CDH2: variants seen among roughly 807,000 people sequenced by gnomAD.
CDH2 encodes the protein cadherin-2.
Under a neutral mutation model 92.0 loss-of-function variants are expected in CDH2, and 17 were observed. The ratio of observed to expected loss-of-function variants is 0.18; its 90% CI spans 0.13 to 0.28. CDH2 has a LOEUF of 0.28. CDH2 is among the 10% of genes least tolerant of loss of function. The pLI, the probability that CDH2 is intolerant of heterozygous loss-of-function variation, is 1.00. For missense variants in CDH2, 862 were observed against 1,133.1 expected (o/e 0.76, Z 3.44); for synonymous variants, 419 against 415.9 (o/e 1.01, Z -0.09).
chr18:28,142,270 G>A (rs1344375885), intron 2 of CDH2, among the ~76,000 whole-genome samples: 2 of 151,786 alleles, frequency 1.3e-5, no homozygotes, highest in African/African-American at 4.8e-5. Flanking sequence ...ATATCTCCTC[G>A]TTCTAAGTTT....
chr18:28,073,411 T>A (rs2014658325), intron 2 of CDH2, among the ~76,000 whole-genome samples: 1 of 151,992 alleles, frequency 6.6e-6, no homozygotes, highest in Non-Finnish European at 1.5e-5. Context: ...AGATAGGATC[T>A]CTTAGTTGAT....
At chr18:27,969,298 T>C (rs1366392955) in intron 14 of CDH2, among the ~76,000 whole-genome samples, 1 of 152,236 alleles carries the variant, frequency 6.6e-6, no homozygotes, top group African/African-American at 2.4e-5. Context: ...ATTTTAATCT[T>C]ACTGGTAGCC....
Position 28,126,417 on chromosome 18 carries a change from G to A in CDH2, c.172+21256C>T, listed in dbSNP as rs1328824222. Among the ~76,000 whole-genome samples the A allele has an allele frequency of 3.9e-5, 6 of 152,076 alleles. No homozygotes were observed. In the East Asian group the frequency reaches 1.2e-3, roughly 29 times the overall value. The stretch of plus-strand genomic sequence containing the variant: ...ATCATCTTCTATTTACTCATTGGGT[G>A]CTTGTGCAAACTCCCTAGCTTTTCT... On this transcript the variant is annotated intron_variant, in intron 2 of 15. Transcript: ENST00000269141.
intron 1 of CDH2, among the ~76,000 whole-genome samples, chr18:28,164,215 C>A (rs1181874860): frequency 6.6e-6 from 1 of 152,196 alleles, no homozygotes; most frequent in African/African-American, 2.4e-5. Flanking sequence ...CCTAGATACA[C>A]AGGCCCTGAC....
At chr18:28,023,481 G>A (rs1234786642) in intron 2 of CDH2, among the ~76,000 whole-genome samples, 2 of 134,546 alleles carry the variant, frequency 1.5e-5, no homozygotes, top group Non-Finnish European at 3.2e-5. Context: ...GCACCACCAT[G>A]CCCAGCTAAT....
At chr18:28,166,149 C>T (rs866573263) in intron 1 of CDH2, among the ~76,000 whole-genome samples, 22 of 59,274 alleles carry the variant, frequency 3.7e-4, no homozygotes, top group East Asian at 1.5e-3. Context: ...CAGACACACT[C>T]ATATATATAT....
chr18:27,945,322 G>GGTT (rs1909243196), intron 6 of CDH2, among the ~76,000 whole-genome samples: 3 of 62,848 alleles, frequency 4.8e-5, no homozygotes, highest in Non-Finnish European at 8.3e-5. Flanking sequence ...CAGGAAGGAA[G>GGTT]ATTTTTTTTT....
intron 2 of CDH2, among the ~76,000 whole-genome samples, chr18:28,062,453 G>A (rs1200037369): frequency 6.6e-6 from 1 of 151,994 alleles, no homozygotes; most frequent in African/African-American, 2.4e-5. Flanking sequence ...TATTTTTATA[G>A]CATACTATAG....
chr18:28,171,427 T>C (rs1435328480), intron 1 of CDH2, among the ~76,000 whole-genome samples: 2 of 152,090 alleles, frequency 1.3e-5, no homozygotes, highest in Non-Finnish European at 2.9e-5. Context: ...TTACCTTCAT[T>C]TTAAGCCTAA....
intron 2 of CDH2, among the ~76,000 whole-genome samples, chr18:28,087,435 A>G (rs1462124177): frequency 6.6e-6 from 1 of 152,190 alleles, no homozygotes; most frequent in East Asian, 1.9e-4. Flanking sequence ...GCATTTTAAA[A>G]TGCCCTCTAT....
Position 27,985,033 on chromosome 18 carries a change from T to C in CDH2, c.2176A>G (p.Ile726Val). ...VGAGLGTGAI[I>V]AILLCIIILL... is the part of the protein sequence containing the mutation. ...ATGATGATGCAGAGCAGGATGGCAA[T>C]GATGGCACCGGTGCCAAGCCCCGCA... Residue 726 changes from isoleucine to valine, a missense_variant, in exon 13 of 16, where the codon ATT becomes GTT. This residue lies in a region of CDH2 where 564 missense variants were observed against 722.2 expected (regional missense o/e 0.78). Coordinates refer to ENST00000269141, the MANE Select transcript of CDH2 (RefSeq NM_001792.5). The C allele has an allele frequency of 1.9e-6, 3 of 1,613,998 alleles. No individual in the cohort carries two copies. The highest frequency in any genetic ancestry group is 1.6e-4 in the Middle Eastern group (1 of 6,062).
intron 2 of CDH2, among the ~76,000 whole-genome samples, chr18:28,035,170 T>C (rs2013795775): frequency 6.6e-6 from 1 of 152,054 alleles, no homozygotes; most frequent in South Asian, 2.1e-4. Flanking sequence ...TGACATACTT[T>C]CTTTTTGAAA....
rs1316840718 is a variant in CDH2 at position 28,176,989 on chromosome 18, G to A, written c.34C>T (p.Leu12=). ...CRIAGALRTL[L]PLLAALLQAS... ...TGAAGCAGGGCCGCCAGCAGCGGCA[G>A]CAGGGTCCGCAGCGCTCCCGCTATC... Residue 12 remains leucine (L), a synonymous_variant, in exon 1 of 16, where the codon CTG becomes TTG. Transcript: ENST00000269141. The A allele has an allele frequency of 2.3e-5, 34 of 1,459,022 alleles. No homozygotes were observed. The highest frequency in any genetic ancestry group is 2.6e-5 in the Non-Finnish European group (29 of 1,105,902). The allele number at this position is 1,459,022 out of a possible 1,614,324, so 90.4% of individuals were successfully genotyped here.
chr18:28,177,060 C>CGGAGGA lies in CDH2; in HGVS notation c.-39_-38insTCCTCC. On this transcript the variant is annotated 5_prime_UTR_variant, in exon 1 of 16. Coordinates refer to ENST00000269141, the MANE Select transcript of CDH2 (RefSeq NM_001792.5). ...GGGCCGAGCGAAGAGCCGGAGGAGG[C>CGGAGGA]GGCGGCGGCGGCGGCGGCGGCGGAG... 1 of 1,128,674 alleles carries CGGAGGA rather than the reference C, an allele frequency of 8.9e-7. No homozygotes were observed. The highest frequency in any genetic ancestry group is 1.2e-6 in the Non-Finnish European group (1 of 843,236). The allele number at this position is 1,128,674 out of a possible 1,614,324, so 69.9% of individuals were successfully genotyped here.
intron 2 of CDH2, among the ~76,000 whole-genome samples, chr18:28,103,049 T>G (rs1252653940): frequency 6.6e-6 from 1 of 151,208 alleles, no homozygotes; most frequent in Non-Finnish European, 1.5e-5. Flanking sequence ...TAACACTAGG[T>G]ACTCAGAGTA....
At position 27,985,203 on chromosome 18, in the gene CDH2, T is replaced by G; in HGVS notation, c.2006A>C (p.Lys669Thr). The G allele has an allele frequency of 1.9e-6, 3 of 1,611,756 alleles. No homozygotes were observed. The highest frequency in any genetic ancestry group is 2.5e-6 in the Non-Finnish European group (3 of 1,177,940). ...TTCATAGATACCAGCTTCAAGAAAT[T>G]TTATCTTTAAATTAAGCTGAGCAAA... ...GDFAQLNLKI[K>T]FLEAGIYEVP... The change falls in exon 13 of 16, where the codon AAA becomes ACA. Residue 669 changes from lysine (K) to threonine (T), a missense_variant. This residue lies in a region of CDH2 where 564 missense variants were observed against 722.2 expected (regional missense o/e 0.78). Coordinates refer to ENST00000269141, the MANE Select transcript of CDH2 (RefSeq NM_001792.5).
chr18:28,000,734 A>G (rs2012739168), intron 7 of CDH2, among the ~76,000 whole-genome samples: 1 of 152,214 alleles, frequency 6.6e-6, no homozygotes, highest in East Asian at 1.9e-4. Flanking sequence ...CTGAAGAATT[A>G]AAACTAAATT....
intron 2 of CDH2, among the ~76,000 whole-genome samples, chr18:28,134,910 G>A (rs2015835858): frequency 1.3e-5 from 2 of 152,112 alleles, no homozygotes; most frequent in South Asian, 2.1e-4. Context: ...GCATGTAGGG[G>A]ATGGGAAAGC....
intron 15 of CDH2, among the ~76,000 whole-genome samples, chr18:27,957,096 ACTT>A (rs1298042522): frequency 2.0e-5 from 3 of 150,736 alleles, no homozygotes; most frequent in African/African-American, 7.3e-5. Flanking sequence ...TTAGAATTAT[ACTT>A]CTTATATTTT....
Sources: gnomAD v4.1 joint callset for allele counts (sites outside exome capture counted in the v4.1 genomes callset) on GRCh38, gnomAD v4.1.1 for gene constraint, gnomAD v4.1.1 regional missense constraint, MANE v1.5 for transcripts, NCBI Gene and HGNC (gene_info 2026-07-23, HGNC 2026-07-21) for gene names.